CSMD1: variants seen among roughly 807,000 people sequenced by gnomAD.
CSMD1 encodes the protein CUB and sushi domain-containing protein 1.
A neutral mutation model predicts 417.5 loss-of-function variants in CSMD1; 213 were observed. That is an observed-to-expected ratio of 0.51 (90% CI 0.46 to 0.57). The LOEUF (loss-of-function observed/expected upper bound fraction) is 0.57. Among genes scored for constraint, CSMD1 ranks in the 20% least tolerant of loss-of-function variants. The pLI is 0.00. For synonymous variants in CSMD1, 2,862 were observed against 1,736.8 expected, an observed-to-expected ratio of 1.65 and a Z score of -16.11; for missense variants, 6,923 against 4,529.7, an observed-to-expected ratio of 1.53 and a Z score of -15.17.
At chr8:4,408,758 G>C (rs187688079) in intron 3 of CSMD1, among the ~76,000 whole-genome samples, 2 of 152,114 alleles carry the variant, frequency 1.3e-5, no homozygotes, top group East Asian at 1.9e-4. Flanking sequence ...TATTGTGCAG[G>C]TGAGGCCATC....
intron 1 of CSMD1, among the ~76,000 whole-genome samples, chr8:4,843,267 A>C (rs1800944680): frequency 6.6e-6 from 1 of 152,058 alleles, no homozygotes; most frequent in Admixed American, 6.6e-5. Context: ...CTAACCAAAA[A>C]CATCCCATCT....
At chr8:4,536,120 T>A (rs567753027) in intron 2 of CSMD1, among the ~76,000 whole-genome samples, 3 of 152,336 alleles carry the variant, frequency 2.0e-5, no homozygotes, top group South Asian at 4.1e-4. Flanking sequence ...AAGATTCACT[T>A]GACAAGGTTC....
chr8:4,747,785 TA>T lies in CSMD1; in HGVS notation c.86-110228del, dbSNP rs888211393. Among the ~76,000 whole-genome samples, 28 of 152,106 alleles carry T rather than the reference TA, an allele frequency of 1.8e-4. No homozygotes were observed. The East Asian group carries it at 5.0e-3, about 27-fold the overall frequency. ...ACTGTGTAAAGCCTGGGATAGAGGCTAAAAAAAACATCGAAACCCAGCCAAA... is the reference window on the plus strand; with the variant it reads ...ACTGTGTAAAGCCTGGGATAGAGGCTAAAAAAACATCGAAACCCAGCCAAA... On this transcript the variant is annotated intron_variant, in intron 1 of 69. Coordinates refer to ENST00000635120, the MANE Select transcript of CSMD1 (RefSeq NM_033225.6).
At chr8:4,010,180 A>G (rs554411273) in intron 4 of CSMD1, among the ~76,000 whole-genome samples, 1 of 152,114 alleles carries the variant, frequency 6.6e-6, no homozygotes, top group African/African-American at 2.4e-5. Flanking sequence ...TCTGTAGTCC[A>G]CGTACACTGG....
At chr8:4,599,564 T>C (rs1161080901) in intron 2 of CSMD1, among the ~76,000 whole-genome samples, 2 of 152,052 alleles carry the variant, frequency 1.3e-5, no homozygotes, top group African/African-American at 4.8e-5. Context: ...AAAAATCTCA[T>C]TGATAAGTTA....
intron 5 of CSMD1, among the ~76,000 whole-genome samples, chr8:3,869,929 C>G (rs1021054059): frequency 2.0e-5 from 3 of 151,892 alleles, no homozygotes; most frequent in Non-Finnish European, 1.5e-5. Context: ...TTTCCTTAAG[C>G]AAAAGAGAGT....
intron 5 of CSMD1, among the ~76,000 whole-genome samples, chr8:3,825,416 G>C (rs6984726): frequency 0.81 from 123,527 of 152,044 alleles, 50,430 homozygotes; most frequent in African/African-American, 0.89. Context: ...GTAATCCCAG[G>C]TACTTGGGAG....
At chr8:4,467,016 C>A (rs528553690) in intron 2 of CSMD1, among the ~76,000 whole-genome samples, 1 of 151,326 alleles carries the variant, frequency 6.6e-6, no homozygotes, top group South Asian at 2.1e-4. Flanking sequence ...GCTCAACTGG[C>A]CTCAAAGGCA....
intron 3 of CSMD1, among the ~76,000 whole-genome samples, chr8:4,150,941 A>G (rs970017444): frequency 2.6e-5 from 4 of 152,230 alleles, no homozygotes; most frequent in African/African-American, 9.6e-5. Flanking sequence ...TACAGTCTGC[A>G]ACGTCCAAAC....
chr8:3,998,100 G>T lies in CSMD1; in HGVS notation c.621C>A (p.Ala207=), dbSNP rs1815362417. The change falls in exon 5 of 70, where the codon GCC becomes GCA. Residue 207 remains alanine (A), a synonymous_variant. Coordinates refer to ENST00000635120, the MANE Select transcript of CSMD1 (RefSeq NM_033225.6). ...FPAPFCRAEG[A]CGGTLRGTSS... is the part of the protein sequence containing the mutation. ...TGGTCCCGCGTAAGGTTCCTCCGCAGGCTCCCTCAGCTGCAGGGGCAAAAG... is the reference window on the plus strand; with the variant it reads ...TGGTCCCGCGTAAGGTTCCTCCGCATGCTCCCTCAGCTGCAGGGGCAAAAG... The T allele has an allele frequency of 6.4e-7, 1 of 1,568,424 alleles. No individual in the cohort carries two copies. Among genetic ancestry groups the T allele is most frequent in the South Asian group, 1.2e-5 (1 of 85,602 alleles).
At chr8:3,769,633 T>G (rs751009337) in intron 5 of CSMD1, among the ~76,000 whole-genome samples, 6 of 152,148 alleles carry the variant, frequency 3.9e-5, no homozygotes, top group South Asian at 4.1e-4. Flanking sequence ...AAAATCCACT[T>G]TTTTCCATTA....
At chr8:3,511,069 T>C (rs182660524) in intron 10 of CSMD1, among the ~76,000 whole-genome samples, 1 of 151,944 alleles carries the variant, frequency 6.6e-6, no homozygotes, top group African/African-American at 2.4e-5. Flanking sequence ...GATGACTTGA[T>C]GTCCTTTGCA....
intron 4 of CSMD1, among the ~76,000 whole-genome samples, chr8:4,028,090 A>T (rs555220434): frequency 6.6e-6 from 1 of 152,182 alleles, no homozygotes; most frequent in African/African-American, 2.4e-5. Context: ...AAAGTAATTA[A>T]TAAGAAAAAA....
chr8:4,445,046 G>A (rs1444777947), intron 2 of CSMD1, among the ~76,000 whole-genome samples: 1 of 152,140 alleles, frequency 6.6e-6, no homozygotes. Flanking sequence ...TGAAATCACT[G>A]CACATTTATG....
chr8:3,811,613 A>C (rs1181250438), intron 5 of CSMD1, among the ~76,000 whole-genome samples: 1 of 152,146 alleles, frequency 6.6e-6, no homozygotes, highest in East Asian at 1.9e-4. Context: ...ACACTCCTTC[A>C]GAACCCAGGA....
chr8:3,296,229 C>T (rs972229414), intron 25 of CSMD1, among the ~76,000 whole-genome samples: 1 of 151,744 alleles, frequency 6.6e-6, no homozygotes, highest in Non-Finnish European at 1.5e-5. Flanking sequence ...TTTGGTGCAG[C>T]CTTGAAGGAG....
intron 55 of CSMD1, among the ~76,000 whole-genome samples, chr8:2,974,868 T>A (rs769981410): frequency 3.3e-5 from 5 of 152,224 alleles, no homozygotes; most frequent in African/African-American, 1.2e-4. Flanking sequence ...GCTTTCCTTA[T>A]GGTAGAAATT....
chr8:3,024,512 G>A (rs961502659), intron 51 of CSMD1, among the ~76,000 whole-genome samples: 2 of 152,104 alleles, frequency 1.3e-5, no homozygotes, highest in Non-Finnish European at 2.9e-5. Context: ...TCACCATGTT[G>A]GCCAGGTTGG....
At chr8:4,029,294 C>A (rs564915745) in intron 4 of CSMD1, among the ~76,000 whole-genome samples, 2 of 152,276 alleles carry the variant, frequency 1.3e-5, no homozygotes, top group South Asian at 2.1e-4. Flanking sequence ...TTGCATTAGT[C>A]TGTTTTCACG....
Sources: gnomAD v4.1 joint callset for allele counts (sites outside exome capture counted in the v4.1 genomes callset) on GRCh38, gnomAD v4.1.1 for gene constraint, MANE v1.5 for transcripts, NCBI Gene and HGNC (gene_info 2026-07-23, HGNC 2026-07-21) for gene names.